The following PPARGC1A variants were observed in gnomAD, a reference collection of about 807,000 sequenced individuals.
The protein encoded by PPARGC1A is peroxisome proliferator-activated receptor gamma coactivator 1-alpha.
Under a neutral mutation model 88.7 loss-of-function variants are expected in PPARGC1A, and 25 were observed. The ratio of observed to expected loss-of-function variants is 0.28; its 90% CI spans 0.21 to 0.39. The LOEUF (loss-of-function observed/expected upper bound fraction) is 0.39, where lower values mean the gene tolerates loss of function less well. Ranked by LOEUF, PPARGC1A falls within the 10% of genes least tolerant of loss-of-function variation. PPARGC1A has a pLI of 1.00. For synonymous variants in PPARGC1A, 363 were observed against 355.6 expected, an observed-to-expected ratio of 1.02 and a Z score of -0.24; for missense variants, 880 against 968.7, an observed-to-expected ratio of 0.91 and a Z score of 1.22.
chr4:23,967,438 G>C, the PPARGC1A span, among the ~76,000 whole-genome samples: 20 of 152,298 alleles, frequency 1.3e-4, no homozygotes, highest in South Asian at 3.5e-3. Context: ...TGTCAGCTGG[G>C]TAGGTAAAGC....
the PPARGC1A span, among the ~76,000 whole-genome samples, chr4:24,081,846 G>A: frequency 6.6e-6 from 1 of 151,894 alleles, no homozygotes; most frequent in Non-Finnish European, 1.5e-5. Flanking sequence ...TTCTGACCTA[G>A]GTTTTAATCC....
At chr4:24,383,462 G>C in the PPARGC1A span, among the ~76,000 whole-genome samples, 2 of 152,088 alleles carry the variant, frequency 1.3e-5, no homozygotes, top group Non-Finnish European at 2.9e-5. Flanking sequence ...CCAATGCAAG[G>C]AAGCTAAGAA....
the PPARGC1A span, among the ~76,000 whole-genome samples, chr4:24,450,397 G>A: frequency 6.6e-6 from 1 of 152,152 alleles, no homozygotes; most frequent in African/African-American, 2.4e-5. Context: ...AGAAAGCTGA[G>A]GATTAGTAAT....
the PPARGC1A span, among the ~76,000 whole-genome samples, chr4:24,176,670 C>T: frequency 5.9e-5 from 9 of 152,020 alleles, no homozygotes; most frequent in African/African-American, 2.2e-4. Context: ...GCCAGGGTCT[C>T]GTAACACTCT....
At chr4:24,193,915 G>T in the PPARGC1A span, among the ~76,000 whole-genome samples, 1 of 151,994 alleles carries the variant, frequency 6.6e-6, no homozygotes, top group African/African-American at 2.4e-5. Context: ...GATCACCTGA[G>T]ACCAGGAGTT....
At chr4:24,168,008 G>A in the PPARGC1A span, among the ~76,000 whole-genome samples, 8 of 152,074 alleles carry the variant, frequency 5.3e-5, no homozygotes, top group Admixed American at 5.2e-4. Context: ...GCCTGCCTTG[G>A]CCTCCCAAAG....
At chr4:24,402,179 TA>T in the PPARGC1A span, among the ~76,000 whole-genome samples, 1 of 152,154 alleles carries the variant, frequency 6.6e-6, no homozygotes, top group African/African-American at 2.4e-5. Context: ...CCCCACTCCG[TA>T]ACCTGCCACA....
chr4:23,794,302 G>A lies in PPARGC1A; in HGVS notation c.*1520C>T. Reference sequence around the variant, plus strand: ...CATGATATCTTCTAGAAAAATTTTAGATGAGAAAATTTCATTCCCCTAACA... The same window carrying A: ...CATGATATCTTCTAGAAAAATTTTAAATGAGAAAATTTCATTCCCCTAACA... On this transcript the variant is annotated 3_prime_UTR_variant, in exon 13 of 13. Coordinates refer to ENST00000264867, the MANE Select transcript of PPARGC1A (RefSeq NM_013261.5). The A allele has an allele frequency of 6.6e-6, 1 of 152,516 alleles. No individual in the cohort carries two copies. The highest frequency in any genetic ancestry group is 1.5e-5 in the Non-Finnish European group (1 of 68,000). The allele number at this position is 152,516 out of a possible 1,614,324, so 9.4% of individuals were successfully genotyped here.
the PPARGC1A span, among the ~76,000 whole-genome samples, chr4:24,068,988 C>T: frequency 6.6e-6 from 1 of 152,150 alleles, no homozygotes. Flanking sequence ...CAATCTCAGC[C>T]CTACTCCTGG....
chr4:24,330,817 C>T, the PPARGC1A span, among the ~76,000 whole-genome samples: 4 of 152,276 alleles, frequency 2.6e-5, no homozygotes, highest in East Asian at 7.7e-4. Flanking sequence ...AGGCTTTCAT[C>T]ATCCATGCAG....
At chr4:23,876,873 G>C (rs930180456) in intron 2 of PPARGC1A, among the ~76,000 whole-genome samples, 2 of 152,062 alleles carry the variant, frequency 1.3e-5, no homozygotes, top group African/African-American at 4.8e-5. Context: ...TTTTATGCAA[G>C]ATCTGGTAAT....
At chr4:24,233,922 C>T in the PPARGC1A span, among the ~76,000 whole-genome samples, 1 of 152,178 alleles carries the variant, frequency 6.6e-6, no homozygotes, top group Non-Finnish European at 1.5e-5. Flanking sequence ...GAGATGAGAA[C>T]TTTATTGGGC....
chr4:24,391,718 A>C, the PPARGC1A span, among the ~76,000 whole-genome samples: 1 of 152,214 alleles, frequency 6.6e-6, no homozygotes, highest in South Asian at 2.1e-4. Context: ...ATTAGAATAC[A>C]GATCGAGGCA....
the PPARGC1A span, among the ~76,000 whole-genome samples, chr4:24,199,539 G>A: frequency 6.6e-6 from 1 of 152,088 alleles, no homozygotes; most frequent in Non-Finnish European, 1.5e-5. Flanking sequence ...CCGATCAAAG[G>A]CAAGAAAGGC....
the PPARGC1A span, among the ~76,000 whole-genome samples, chr4:24,000,580 GATAAA>G: frequency 6.6e-6 from 1 of 152,102 alleles, no homozygotes; most frequent in South Asian, 2.1e-4. Flanking sequence ...TCTGCCTCAT[GATAAA>G]ATTAAGTCTT....
intron 4 of PPARGC1A, 108 bp from the exon 5 acceptor site, chr4:23,828,712 G>T: frequency 1.1e-6 from 1 of 946,350 alleles, no homozygotes; most frequent in Non-Finnish European, 1.6e-6. Context: ...TTCAGTCTAA[G>T]TGTACTAGAT....
upstream of PPARGC1A, among the ~76,000 whole-genome samples, chr4:23,902,932 G>A (rs138011923): frequency 2.2e-4 from 34 of 152,248 alleles, no homozygotes; most frequent in Admixed American, 1.1e-3. Context: ...TCAATTTGAC[G>A]CCTGTACTTA....
the PPARGC1A span, among the ~76,000 whole-genome samples, chr4:24,260,992 T>C: frequency 2.0e-5 from 3 of 152,132 alleles, no homozygotes. Context: ...CATGGGTTCA[T>C]ACATCCCACG....
At chr4:24,155,122 G>GTT in the PPARGC1A span, among the ~76,000 whole-genome samples, 5 of 141,004 alleles carry the variant, frequency 3.5e-5, no homozygotes, top group African/African-American at 1.1e-4. Flanking sequence ...CCTCGGTTTT[G>GTT]TTTTTTTTTT....
Sources: gnomAD v4.1 joint callset for allele counts (sites outside exome capture counted in the v4.1 genomes callset) on GRCh38, gnomAD v4.1.1 for gene constraint, MANE v1.5 for transcripts, NCBI Gene and HGNC (gene_info 2026-07-23, HGNC 2026-07-21) for gene names.